Variants in TENM4 observed in about 807,000 individuals in gnomAD.
TENM4 encodes the protein teneurin transmembrane protein 4.
In TENM4, 82 loss-of-function variants were observed where a neutral mutation model predicts 243.3. That is an observed-to-expected ratio of 0.34 (90% CI 0.28 to 0.40). The LOEUF (loss-of-function observed/expected upper bound fraction) is 0.40, where lower values mean the gene tolerates loss of function less well. Ranked by LOEUF, TENM4 falls within the 10% of genes least tolerant of loss-of-function variation. The pLI is 1.00. For missense variants in TENM4, 3,138 were observed against 3,673.3 expected, an observed-to-expected ratio of 0.85 and a Z score of 3.77; for synonymous variants, 1,412 against 1,456.3, an observed-to-expected ratio of 0.97 and a Z score of 0.69.
chr11:78,779,551 C>A (rs1163536818), intron 16 of TENM4, among the ~76,000 whole-genome samples: 1 of 152,202 alleles, frequency 6.6e-6, no homozygotes, highest in African/African-American at 2.4e-5. Flanking sequence ...TAGAGCAGGG[C>A]AGGCCTCTTA....
chr11:79,354,860 C>G (rs1378740397), intron 1 of TENM4, among the ~76,000 whole-genome samples: 1 of 152,076 alleles, frequency 6.6e-6, no homozygotes, highest in Non-Finnish European at 1.5e-5. Flanking sequence ...TAAAGATAAG[C>G]TGGCATGAAT....
At chr11:79,244,722 A>G (rs982398619) in intron 2 of TENM4, among the ~76,000 whole-genome samples, 1 of 152,240 alleles carries the variant, frequency 6.6e-6, no homozygotes, top group Non-Finnish European at 1.5e-5. Flanking sequence ...AGCTCTTGTT[A>G]TAAAACAAAC....
intron 7 of TENM4, among the ~76,000 whole-genome samples, chr11:78,902,640 T>C (rs1325895917): frequency 2.0e-5 from 3 of 152,226 alleles, no homozygotes; most frequent in African/African-American, 7.2e-5. Context: ...AATACCCACT[T>C]CATAGAGGTA....
chr11:78,771,717 A>G (rs181781999), intron 17 of TENM4, among the ~76,000 whole-genome samples: 1 of 152,272 alleles, frequency 6.6e-6, no homozygotes, highest in Non-Finnish European at 1.5e-5. Flanking sequence ...TGCTTTGAGG[A>G]AGAGGGCTTG....
At chr11:78,841,954 C>T (rs56249573) in intron 12 of TENM4, among the ~76,000 whole-genome samples, 5,020 of 152,148 alleles carry the variant, frequency 0.033, 95 homozygotes, top group Middle Eastern at 0.092. Context: ...TACTTTTTCC[C>T]GTCTGTCTTC....
At chr11:79,084,479 A>G (rs1455503455) in intron 4 of TENM4, among the ~76,000 whole-genome samples, 1 of 152,226 alleles carries the variant, frequency 6.6e-6, no homozygotes, top group African/African-American at 2.4e-5. Flanking sequence ...GATATCCTTC[A>G]ACAGGTAAGC....
At chr11:79,381,914 C>T (rs1249008398) in intron 1 of TENM4, among the ~76,000 whole-genome samples, 1 of 152,010 alleles carries the variant, frequency 6.6e-6, no homozygotes, top group African/African-American at 2.4e-5. Flanking sequence ...CTTGAACAGG[C>T]CTTGACAATG....
Position 79,017,488 on chromosome 11 carries a change from A to G in TENM4, c.493+47250T>C, listed in dbSNP as rs573665617. Among the ~76,000 whole-genome samples the G allele has an allele frequency of 2.6e-5, 4 of 152,264 alleles. No homozygotes were observed. In the East Asian group the frequency reaches 7.7e-4, roughly 29 times the overall value. ...TTTTAAAAAAGGGAAAAAGGCAAAA[A>G]TATAGACTTCTATTTGCAGAAAGAA... On this transcript the variant is annotated intron_variant, in intron 6 of 33. Coordinates refer to ENST00000278550, the MANE Select transcript of TENM4 (RefSeq NM_001098816.3).
At chr11:79,206,488 A>G (rs1231753802) in intron 3 of TENM4, among the ~76,000 whole-genome samples, 2 of 152,142 alleles carry the variant, frequency 1.3e-5, no homozygotes, top group Non-Finnish European at 1.5e-5. Flanking sequence ...CTGGCTTCCC[A>G]TGTACTTCTT....
chr11:78,827,111 T>C (rs951475595), intron 12 of TENM4, among the ~76,000 whole-genome samples: 4 of 152,262 alleles, frequency 2.6e-5, no homozygotes. Context: ...AGAAATTCAA[T>C]ATCACTATGA....
intron 13 of TENM4, among the ~76,000 whole-genome samples, chr11:78,812,812 T>C (rs1192263248): frequency 6.6e-6 from 1 of 152,164 alleles, no homozygotes; most frequent in Admixed American, 6.5e-5. Context: ...TCCAGCCCCA[T>C]ATTCTACTGC....
intron 6 of TENM4, among the ~76,000 whole-genome samples, chr11:78,958,789 C>G (rs1219741651): frequency 6.6e-6 from 1 of 152,184 alleles, no homozygotes; most frequent in Admixed American, 6.5e-5. Context: ...CTTTAGGAGC[C>G]AAAGAGGCAT....
At chr11:79,061,009 G>A (rs182536621) in intron 6 of TENM4, among the ~76,000 whole-genome samples, 2 of 152,274 alleles carry the variant, frequency 1.3e-5, no homozygotes, top group Admixed American at 1.3e-4. Flanking sequence ...AAAGATGGGA[G>A]AAGGGGAAGG....
At chr11:79,371,798 A>G (rs554537902) in intron 1 of TENM4, among the ~76,000 whole-genome samples, 1 of 152,348 alleles carries the variant, frequency 6.6e-6, no homozygotes, top group South Asian at 2.1e-4. Context: ...CATAGCAAAT[A>G]TGATCACCTA....
chr11:79,013,605 G>T (rs1194639427), intron 6 of TENM4, among the ~76,000 whole-genome samples: 16 of 152,186 alleles, frequency 1.1e-4, no homozygotes, highest in Non-Finnish European at 2.4e-4. Flanking sequence ...GGAGGGACTG[G>T]TAGAGCTCCT....
At chr11:78,913,086 C>T (rs1856227893) in intron 6 of TENM4, among the ~76,000 whole-genome samples, 1 of 152,152 alleles carries the variant, frequency 6.6e-6, no homozygotes, top group Non-Finnish European at 1.5e-5. Flanking sequence ...TGTTAATGAA[C>T]ATCTGCTTAC....
chr11:78,799,145 T>G (rs1591031903), intron 15 of TENM4, among the ~76,000 whole-genome samples: 2 of 152,276 alleles, frequency 1.3e-5, no homozygotes, highest in East Asian at 3.9e-4. Context: ...AGGAAGCTTG[T>G]GATGCTGAGA....
At chr11:78,826,871 G>A (rs1054106171) in intron 12 of TENM4, among the ~76,000 whole-genome samples, 1 of 152,118 alleles carries the variant, frequency 6.6e-6, no homozygotes, top group Non-Finnish European at 1.5e-5. Flanking sequence ...CTCATTTAGG[G>A]CAGGCCCAGA....
At chr11:78,758,835 C>T (rs1360499300) in intron 18 of TENM4, among the ~76,000 whole-genome samples, 1 of 152,148 alleles carries the variant, frequency 6.6e-6, no homozygotes, top group East Asian at 1.9e-4. Context: ...GGGGTCAAAT[C>T]CTGGCACTGA....
Sources: allele counts gnomAD v4.1 joint callset (sites outside exome capture counted in the v4.1 genomes callset), GRCh38; gene constraint gnomAD v4.1.1; transcripts MANE v1.5; gene names NCBI Gene and HGNC (gene_info 2026-07-23, HGNC 2026-07-21).